Variants in LINGO1 observed in about 807,000 individuals in gnomAD.
LINGO1 encodes leucine rich repeat and Ig domain containing 1.
Under a neutral mutation model 37.3 loss-of-function variants are expected in LINGO1, and 11 were observed. The observed-to-expected ratio is 0.29, with a 90% CI of 0.19 to 0.49. The LOEUF is 0.49. Among genes scored for constraint, LINGO1 ranks in the 20% least tolerant of loss-of-function variants. The pLI is 0.99. For synonymous variants in LINGO1, 387 were observed against 403.0 expected (o/e 0.96, Z 0.48); for missense variants, 585 against 878.2 (o/e 0.67, Z 4.22).
At position 77,805,520 on chromosome 15, in the gene LINGO1, G is replaced by A. The variant is rs2076952702; in HGVS notation, c.-457-9467C>T. ...CTGCCGTGGAAGGACAAACTGCAGG[G>A]CAGAGACTGTGGCCTGCCCTCAGGG... is the stretch of plus-strand genomic sequence containing the variant. On this transcript the variant is annotated intron_variant, in intron 1 of 5. Transcript: ENST00000562933. Among the ~76,000 whole-genome samples the A allele has an allele frequency of 2.6e-5, 4 of 152,218 alleles. No individual in the cohort carries two copies. In the South Asian group the frequency reaches 8.3e-4, roughly 32 times the overall value.
chr15:77,782,212 TACACACACACAC>T (rs56734688), intron 1 of LINGO1, among the ~76,000 whole-genome samples: 53 of 150,038 alleles, frequency 3.5e-4, no homozygotes, highest in Non-Finnish European at 5.5e-4. Flanking sequence ...TGCGCACGCG[TACACACACACAC>T]ACACACACAC....
chr15:77,720,902 C>T (rs923250178), intron 2 of LINGO1, among the ~76,000 whole-genome samples: 1 of 152,020 alleles, frequency 6.6e-6, no homozygotes, highest in Non-Finnish European at 1.5e-5. Flanking sequence ...TCCCCGCCTC[C>T]CTCATCCCTC....
intron 3 of LINGO1, among the ~76,000 whole-genome samples, chr15:77,658,270 G>A (rs906625321): frequency 6.6e-6 from 1 of 152,230 alleles, no homozygotes; most frequent in African/African-American, 2.4e-5. Flanking sequence ...GGGGCTTGGA[G>A]AGCCCTCTCT....
intron 1 of LINGO1, among the ~76,000 whole-genome samples, chr15:77,738,747 TGAAGGAAGGAAGGAAGGAAGGAAG>T (rs1166793124): frequency 1.7e-4 from 19 of 110,834 alleles, no homozygotes; most frequent in South Asian, 3.2e-4. Flanking sequence ...ACATATTTGC[TGAAGGAAGGAAGGAAGGAAGGAAG>T]GAAGGAAGGA....
intron 1 of LINGO1, among the ~76,000 whole-genome samples, chr15:77,800,376 G>A (rs963588894): frequency 2.0e-5 from 3 of 152,220 alleles, no homozygotes; most frequent in Non-Finnish European, 4.4e-5. Context: ...TGGGGGCAGA[G>A]CATACGAGAG....
chr15:77,818,825 G>T (rs1195007409), intron 1 of LINGO1, among the ~76,000 whole-genome samples: 1 of 151,798 alleles, frequency 6.6e-6, no homozygotes, highest in African/African-American at 2.4e-5. Flanking sequence ...CCCAGAGAGC[G>T]GGCGGCTGCG....
intron 3 of LINGO1, among the ~76,000 whole-genome samples, chr15:77,653,084 C>A (rs1189021097): frequency 6.6e-6 from 1 of 152,198 alleles, no homozygotes; most frequent in Non-Finnish European, 1.5e-5. Context: ...CGGACATAGG[C>A]CAACCCCTTA....
chr15:77,718,060 GAGCAGCTACAGAGACAGCGCC>G lies in LINGO1; in HGVS notation c.-195+16911_-195+16931del, dbSNP rs2076006024. Among the ~76,000 whole-genome samples, 4 of 150,948 alleles carry G rather than the reference GAGCAGCTACAGAGACAGCGCC, an allele frequency of 2.6e-5. No homozygotes were observed. The South Asian group carries it at 6.4e-4, about 24-fold the overall frequency. On this transcript the variant is annotated intron_variant, in intron 2 of 3. Transcript: ENST00000561686. The stretch of plus-strand genomic sequence containing the variant: ...AGCTGGTGCCCAAGAGGATGCTCAT[GAGCAGCTACAGAGACAGCGCC>G]ATCCCCCATGGGAGCAGGGCTCCCA...
At chr15:77,635,296 G>C (rs1160708237), upstream of LINGO1, among the ~76,000 whole-genome samples, 1 of 152,196 alleles carries the variant, frequency 6.6e-6, no homozygotes, top group Non-Finnish European at 1.5e-5. Flanking sequence ...AAACGACGGG[G>C]AGCTTTGGGG....
At chr15:77,683,996 C>T (rs77568799) in intron 2 of LINGO1, among the ~76,000 whole-genome samples, 7,264 of 152,250 alleles carry the variant, frequency 0.048, 216 homozygotes, top group East Asian at 0.13. Flanking sequence ...CCAGATGCTC[C>T]CAACTCCCTT....
chr15:77,744,451 C>A (rs936342508), intron 1 of LINGO1, among the ~76,000 whole-genome samples: 7 of 152,048 alleles, frequency 4.6e-5, no homozygotes, highest in African/African-American at 1.4e-4. Flanking sequence ...GGAGAATCAC[C>A]TGAGCCCGGG....
At chr15:77,733,163 T>C (rs1043824870) in intron 2 of LINGO1, among the ~76,000 whole-genome samples, 27 of 151,988 alleles carry the variant, frequency 1.8e-4, no homozygotes, top group Non-Finnish European at 3.4e-4. Context: ...CTGAACCGAG[T>C]GGGGCTGGGG....
chr15:77,736,618 T>A (rs2076206493), intron 1 of LINGO1, among the ~76,000 whole-genome samples: 1 of 151,700 alleles, frequency 6.6e-6, no homozygotes, highest in South Asian at 2.1e-4. Flanking sequence ...TAAATTAATT[T>A]AAAAAATTAG....
intron 1 of LINGO1, among the ~76,000 whole-genome samples, chr15:77,757,770 T>C (rs554021026): frequency 8.0e-4 from 122 of 152,230 alleles, no homozygotes; most frequent in South Asian, 6.2e-3. Flanking sequence ...ATAGGCCTCC[T>C]AGCTTAAGCA....
intron 1 of LINGO1, among the ~76,000 whole-genome samples, chr15:77,737,446 G>A (rs1339927928): frequency 6.6e-6 from 1 of 152,008 alleles, no homozygotes; most frequent in Non-Finnish European, 1.5e-5. Flanking sequence ...GGAAGGAGAG[G>A]GAGGAAGGGG....
intron 2 of LINGO1, among the ~76,000 whole-genome samples, chr15:77,717,223 G>A (rs764639806): frequency 6.6e-6 from 1 of 150,764 alleles, no homozygotes; most frequent in African/African-American, 2.4e-5. Flanking sequence ...TCCTCAATCT[G>A]CGCTCAGGTC....
At chr15:77,803,383 A>G (rs570610067) in intron 1 of LINGO1, among the ~76,000 whole-genome samples, 2 of 152,194 alleles carry the variant, frequency 1.3e-5, no homozygotes, top group African/African-American at 4.8e-5. Context: ...AGGAGTCTGA[A>G]GCTGCAGTGA....
intron 1 of LINGO1, among the ~76,000 whole-genome samples, chr15:77,767,350 C>A (rs979533449): frequency 8.5e-5 from 13 of 152,188 alleles, no homozygotes; most frequent in African/African-American, 2.9e-4. Flanking sequence ...ATTCTACACC[C>A]AGTCAGACTG....
intron 1 of LINGO1, among the ~76,000 whole-genome samples, chr15:77,753,316 T>C (rs1224331648): frequency 2.0e-5 from 3 of 152,204 alleles, no homozygotes; most frequent in Admixed American, 2.0e-4. Flanking sequence ...TAAGCTTCCG[T>C]GGGCCCTTGG....
Sources: allele counts gnomAD v4.1 joint callset (sites outside exome capture counted in the v4.1 genomes callset), GRCh38; gene constraint gnomAD v4.1.1; transcripts MANE v1.5; gene names NCBI Gene and HGNC (gene_info 2026-07-23, HGNC 2026-07-21).